Variants in TRO observed in about 807,000 individuals in gnomAD.
TRO encodes MAGE superfamily protein.
In TRO, 29 loss-of-function variants were observed where a neutral mutation model predicts 42.3. That is an observed-to-expected ratio of 0.68 (90% confidence interval 0.51 to 0.93). The LOEUF (loss-of-function observed/expected upper bound fraction) is 0.93. Ranked by LOEUF, TRO falls within the 40% of genes least tolerant of loss-of-function variation. The pLI, the probability that TRO is intolerant of heterozygous loss-of-function variation, is 0.00. For synonymous variants in TRO, 384 were observed against 425.2 expected, an observed-to-expected ratio of 0.90 and a Z score of 1.19; for missense variants, 963 against 1,127.7, an observed-to-expected ratio of 0.85 and a Z score of 2.09.
In TRO at chrX:54,923,082, G is replaced by A. The variant is rs750392858; in HGVS notation, c.550G>A (p.Ala184Thr). 19 of 1,210,122 alleles carry A rather than the reference G, an allele frequency of 1.6e-5. No individual in the cohort carries two copies. In the East Asian group the frequency reaches 4.4e-4, roughly 28 times the overall value. The change falls in exon 3 of 13, where the codon GCT becomes ACT. Residue 184 changes from alanine to threonine, a missense_variant. Coordinates refer to ENST00000173898, the MANE Select transcript of TRO (RefSeq NM_001039705.3). ...KLPVISQNIH[A>T]PIANESASSQ... The stretch of plus-strand genomic sequence containing the variant: ...ACCAGTCATCTCACAGAATATTCAC[G>A]CTCCAATTGCCAATGAGTCAGCCAG...
intron 3 of TRO, 22 bp from the exon 4 acceptor site, chrX:54,924,429 T>G (rs1932504466): frequency 8.5e-7 from 1 of 1,174,702 alleles, no homozygotes; most frequent in Non-Finnish European, 1.1e-6. Flanking sequence ...ACTCTGGACC[T>G]TCCTTCTTTC....
In TRO at chrX:54,930,686, G is replaced by T. The variant is rs895724565; in HGVS notation, c.3962G>T (p.Ser1321Ile). The T allele has an allele frequency of 8.3e-7, 1 of 1,212,049 alleles. No homozygotes were observed. Among genetic ancestry groups the T allele is most frequent in the East Asian group, 3.0e-5 (1 of 33,851 alleles). The change falls in exon 12 of 13, where the codon AGT becomes ATT. Residue 1321 changes from serine (S) to isoleucine (I), a missense_variant. Physicochemically the swap from Ser to Ile is moderately radical, Grantham distance 142 (BLOSUM62 -2). This residue lies in a region of TRO where 641 missense variants were observed against 811.3 expected (regional missense o/e 0.79). Transcript: ENST00000173898. ...CTCAGCACCAGCGATGGCTTTGGCAGTAGGCCTAATGCCAGCTTCGACAGA... is the reference window on the plus strand; with the variant it reads ...CTCAGCACCAGCGATGGCTTTGGCATTAGGCCTAATGCCAGCTTCGACAGA... ...GGLSTSDGFG[S>I]RPNASFDRGL...
At position 54,929,111 on chromosome X, in the gene TRO, G is replaced by A. The variant is rs1329538355; in HGVS notation, c.2387G>A (p.Gly796Asp). The change falls in exon 12 of 13, where the codon GGT (glycine) becomes GAT (aspartate). Residue 796 changes from glycine (G) to aspartate (D), a missense_variant. By Grantham distance (94) the Gly-to-Asp change is moderately conservative. Around this residue, in one of 2 missense-constraint regions of TRO, gnomAD observed 641 missense variants for 811.3 expected, o/e 0.79. Transcript: ENST00000173898. ...SFSSAASISF[G>D]CAHSTSTSFS... Reference sequence around the variant, plus strand: ...AGCAGCGCAGCCAGCATTAGCTTTGGTTGTGCACACAGCACCAGCACTAGT... The same window carrying A: ...AGCAGCGCAGCCAGCATTAGCTTTGATTGTGCACACAGCACCAGCACTAGT... The A allele has an allele frequency of 2.5e-6, 3 of 1,211,415 alleles. No homozygotes were observed. Among genetic ancestry groups the A allele is most frequent in the African/African-American group, 3.5e-5 (2 of 57,602 alleles).
intron 11 of TRO, 101 bp downstream of exon 11, chrX:54,927,882 G>A (rs1932823066): frequency 5.0e-6 from 3 of 596,128 alleles, no homozygotes; most frequent in Admixed American, 7.0e-5. Context: ...GCAGCCTGCA[G>A]CTCATATATA....
At chrX:54,931,063 C>T in intron 12 of TRO, 32 bp downstream of exon 12, 1 of 1,169,490 alleles carries the variant, frequency 8.6e-7, no homozygotes, top group African/African-American at 1.8e-5. Flanking sequence ...CCAGGACCCA[C>T]AGGGATGGGT....
rs1391072685 is a variant in TRO, at chrX:54,929,364, T to C, written c.2640T>C (p.Ser880=). Residue 880 remains serine, a synonymous_variant, in exon 12 of 13, where the codon AGT becomes AGC. Transcript: ENST00000173898. ...CACCCACAACGAGCACAGTCTTCAG[T>C]AGTGCGCTTAGCACCAGCACTGGCT... The part of the protein sequence containing the change: ...GSAPTTSTVF[S]SALSTSTGFG... 23 of 1,212,191 alleles carry C rather than the reference T, an allele frequency of 1.9e-5. No individual in the cohort carries two copies. In the East Asian group the frequency reaches 6.8e-4, roughly 36 times the overall value.
At chrX:54,922,083 T>C (rs749019217) in intron 1 of TRO, 120 bp from the exon 2 acceptor site, 16 of 506,184 alleles carry the variant, frequency 3.2e-5, no homozygotes, top group African/African-American at 2.7e-4. Flanking sequence ...GCCTGGGTTT[T>C]TTAGGTATGA....
intron 6 of TRO, among the ~76,000 whole-genome samples, chrX:54,925,302 A>G (rs979827480): frequency 9.0e-6 from 1 of 111,556 alleles, no homozygotes; most frequent in Non-Finnish European, 1.9e-5. Flanking sequence ...GCTTCTATTC[A>G]TAGTTGGACA....
Position 54,924,708 on chromosome X carries a change from G to C in TRO, c.1380G>C (p.Gln460His), listed in dbSNP as rs1374078772. ...TGAAATACCTGTTGGTTAAGGACCA[G>C]ACAAAGATCCCCATCAAACGCTCAG... Reference protein sequence around the residue: ...KLVKYLLVKDQTKIPIKRSDM... With the variant: ...KLVKYLLVKDHTKIPIKRSDM... The change falls in exon 5 of 13, where the codon CAG becomes CAC. Residue 460 changes from glutamine (Q) to histidine (H), a missense_variant. Transcript: ENST00000173898. The C allele has an allele frequency of 8.3e-7, 1 of 1,211,809 alleles. No homozygotes were observed. Among genetic ancestry groups the C allele is most frequent in the Admixed American group, 2.2e-5 (1 of 46,070 alleles).
rs1932814908 is a variant in TRO, at chrX:54,927,731, C to T, written c.1828C>T (p.Arg610Cys). 9 of 1,209,602 alleles carry T rather than the reference C, an allele frequency of 7.4e-6. No homozygotes were observed. Among genetic ancestry groups the T allele is most frequent in the African/African-American group, 1.8e-5 (1 of 57,076 alleles). Reference sequence around the variant, plus strand: ...TGAATATGAGTTCTTCTGGGGCTTGCGCTCCTACCACGAGACTAGCAAGAT... The same window carrying T: ...TGAATATGAGTTCTTCTGGGGCTTGTGCTCCTACCACGAGACTAGCAAGAT... ...PPEYEFFWGLRSYHETSKMKV... is the reference protein window; with the variant it reads ...PPEYEFFWGLCSYHETSKMKV... Residue 610 changes from arginine to cysteine, a missense_variant, in exon 11 of 13, where the codon CGC becomes TGC. By Grantham distance (180) the Arg-to-Cys change is radical. Around this residue, in one of 2 missense-constraint regions of TRO, gnomAD observed 641 missense variants for 811.3 expected, o/e 0.79. Transcript: ENST00000173898.
rs1054702878 is a variant in TRO at position 54,920,832 on chromosome X, G to A, written c.-91G>A. On this transcript the variant is annotated 5_prime_UTR_variant, in exon 1 of 13. Coordinates refer to ENST00000173898, the MANE Select transcript of TRO (RefSeq NM_001039705.3). Reference sequence around the variant, plus strand: ...GGGAGGGGGATAGGCTCAGACACAAGGAGAGGCTTGGAGAGAGCAGACGCC... The same window carrying A: ...GGGAGGGGGATAGGCTCAGACACAAAGAGAGGCTTGGAGAGAGCAGACGCC... 3 of 110,463 alleles carry A rather than the reference G, an allele frequency of 2.7e-5. No individual in the cohort carries two copies. The highest frequency in any genetic ancestry group is 3.8e-5 in the Non-Finnish European group (2 of 52,759). The allele number at this position is 110,463 out of a possible 1,213,427, so 9.1% of individuals were successfully genotyped here. A position where few individuals can be genotyped will look rare whatever the true frequency, so the allele number is the denominator to read the frequency against.
Position 54,928,696 on chromosome X carries a change from G to A in TRO, c.1972G>A (p.Glu658Lys), listed in dbSNP as rs781572243. ...QAAAVAVAEAEARAEARAQMG... is the reference protein window; with the variant it reads ...QAAAVAVAEAKARAEARAQMG... ...TGCAGCTGTGGCTGTGGCTGAGGCTGAAGCCAGGGCTGAGGCAAGAGCCCA... is the reference window on the plus strand; with the variant it reads ...TGCAGCTGTGGCTGTGGCTGAGGCTAAAGCCAGGGCTGAGGCAAGAGCCCA... The change falls in exon 12 of 13, where the codon GAA becomes AAA. Residue 658 changes from glutamate (E) to lysine (K), a missense_variant. By Grantham distance (56) the Glu-to-Lys change is moderately conservative. Transcript: ENST00000173898. The A allele has an allele frequency of 1.7e-6, 2 of 1,207,022 alleles. No individual in the cohort carries two copies. The highest frequency in any genetic ancestry group is 2.2e-6 in the Non-Finnish European group (2 of 893,766).
At position 54,930,581 on chromosome X, in the gene TRO, G is replaced by T. The variant is rs1364881187; in HGVS notation, c.3857G>T (p.Ser1286Ile). Residue 1286 changes from serine to isoleucine, a missense_variant, in exon 12 of 13, where the codon AGT becomes ATT. Physicochemically the swap from Ser to Ile is moderately radical, Grantham distance 142. Around this residue, in one of 2 missense-constraint regions of TRO, gnomAD observed 641 missense variants for 811.3 expected, o/e 0.79. Coordinates refer to ENST00000173898, the MANE Select transcript of TRO (RefSeq NM_001039705.3). ...GGCTTTGGTGGTGGACTGGTCACTA[G>T]TGATGGCTTTGGTGGTGGACTGGGC... ...SAGFGGGLVTSDGFGGGLGTN... is the reference protein window; with the variant it reads ...SAGFGGGLVTIDGFGGGLGTN... 1.7e-6 allele frequency: 2 copies of T among 1,210,217 alleles called. No homozygotes were observed. Among genetic ancestry groups the T allele is most frequent in the African/African-American group, 3.5e-5 (2 of 57,215 alleles).
At chrX:54,924,306 A>G in intron 3 of TRO, 145 bp from the exon 4 acceptor site, 1 of 514,371 alleles carries the variant, frequency 1.9e-6, no homozygotes, top group African/African-American at 2.4e-5. Context: ...AGGGTGGCCA[A>G]TGGCAAGGTC....
At chrX:54,921,345 C>G (rs1240580246) in intron 1 of TRO, 3 of 111,030 alleles carry the variant, frequency 2.7e-5, no homozygotes, top group Non-Finnish European at 5.7e-5. Flanking sequence ...CGGAAAGGAC[C>G]AGACTCAGAC....
At chrX:54,921,335 CG>C (rs1013313551) in intron 1 of TRO, 2 of 110,757 alleles carry the variant, frequency 1.8e-5, no homozygotes, top group Admixed American at 9.6e-5. Context: ...TTTTGAGCAA[CG>C]GAAAGGACCA....
At chrX:54,924,342 C>A in intron 3 of TRO, 109 bp from the exon 4 acceptor site, 1 of 716,501 alleles carries the variant, frequency 1.4e-6, no homozygotes, top group Non-Finnish European at 2.0e-6. Flanking sequence ...TACAGCAAGG[C>A]TGAGGGAGGG....
intron 2 of TRO, 103 bp from the exon 3 acceptor site, chrX:54,922,475 C>T (rs1354897192): frequency 1.1e-6 from 1 of 941,159 alleles, no homozygotes; most frequent in African/African-American, 2.0e-5. Context: ...CTCCCTACCC[C>T]ATTTTAATTA....
At chrX:54,925,138 T>G in intron 6 of TRO, 70 bp downstream of exon 6, 1 of 1,000,806 alleles carries the variant, frequency 1.0e-6, no homozygotes. Flanking sequence ...TACATGTCCC[T>G]TTTGGAGAGA....
Sources: allele counts gnomAD v4.1 joint callset (sites outside exome capture counted in the v4.1 genomes callset), GRCh38; gene constraint gnomAD v4.1.1; regional missense constraint gnomAD v4.1.1; transcripts MANE v1.5; gene names NCBI Gene and HGNC (gene_info 2026-07-23, HGNC 2026-07-21).